The following NRXN1 variants were observed in gnomAD, a reference collection of about 807,000 sequenced individuals.
The protein encoded by NRXN1 is neurexin-1.
Under a neutral mutation model 150.9 loss-of-function variants are expected in NRXN1, and 39 were observed. The observed-to-expected ratio is 0.26, with a 90% CI of 0.20 to 0.34. NRXN1 has a LOEUF of 0.34. NRXN1 is among the 10% of genes least tolerant of loss of function. NRXN1 has a pLI of 1.00. For missense variants in NRXN1, 1,815 were observed against 1,949.9 expected, an observed-to-expected ratio of 0.93 and a Z score of 1.30; for synonymous variants, 924 against 757.0, an observed-to-expected ratio of 1.22 and a Z score of -3.62.
intron 21 of NRXN1, among the ~76,000 whole-genome samples, chr2:50,049,918 A>C (rs936959012): frequency 7.2e-5 from 11 of 152,118 alleles, no homozygotes; most frequent in Non-Finnish European, 2.9e-5. Context: ...AAGTTTCATA[A>C]AATCAGGAGG....
In NRXN1 at chr2:51,027,604, C is replaced by T. The variant is rs202242910; in HGVS notation, c.670G>A (p.Glu224Lys). The change falls in exon 2 of 23, where the codon GAG becomes AAG. Residue 224 changes from glutamate (E) to lysine (K), a missense_variant. By Grantham distance (56) the Glu-to-Lys change is moderately conservative (BLOSUM62 1). Coordinates refer to ENST00000401669, the MANE Select transcript of NRXN1 (RefSeq NM_001330078.2). ...CCTCCGTTGAGGCACACCCCGCCCT[C>T]GCCCTCCTCGCCCGCCTCGCACGGG... ...GSPCEAGEEG[E>K]GGVCLNGGVC... 8.8e-6 allele frequency: 14 copies of T among 1,592,368 alleles called. No homozygotes were observed. The highest frequency in any genetic ancestry group is 1.1e-5 in the Non-Finnish European group (13 of 1,169,796).
intron 8 of NRXN1, among the ~76,000 whole-genome samples, chr2:50,571,584 T>C (rs1670668371): frequency 1.3e-5 from 2 of 152,164 alleles, no homozygotes; most frequent in Non-Finnish European, 2.9e-5. Context: ...TCTGCTAAGA[T>C]ATTTTTAAAG....
At chr2:50,013,478 T>G (rs1223878407) in intron 21 of NRXN1, among the ~76,000 whole-genome samples, 1 of 152,084 alleles carries the variant, frequency 6.6e-6, no homozygotes, top group East Asian at 1.9e-4. Flanking sequence ...TAAGGATTAC[T>G]TTTGTCGTGG....
intron 15 of NRXN1, among the ~76,000 whole-genome samples, chr2:50,489,831 G>C (rs1411862949): frequency 6.6e-6 from 1 of 152,162 alleles, no homozygotes; most frequent in Non-Finnish European, 1.5e-5. Flanking sequence ...AAGAACCACA[G>C]GGAAGCAGAG....
At chr2:50,551,097 AGGAGGAGGGAGGGGGAGG>A (rs1558922629) in intron 9 of NRXN1, among the ~76,000 whole-genome samples, 4 of 109,492 alleles carry the variant, frequency 3.7e-5, no homozygotes, top group African/African-American at 1.4e-4. Context: ...GAGGAGGAGG[AGGAGGAGGGAGGGGGAGG>A]GGGAGGGGGA....
intron 17 of NRXN1, among the ~76,000 whole-genome samples, chr2:50,268,587 C>T (rs576226855): frequency 6.6e-6 from 1 of 152,266 alleles, no homozygotes; most frequent in African/African-American, 2.4e-5. Flanking sequence ...GTTCATTAGC[C>T]TGGGTTCCAA....
chr2:50,921,878 T>C lies in NRXN1; in HGVS notation c.823A>G (p.Lys275Glu), dbSNP rs1156515102. ...TAAAATAATGTAATACCTTTACTTT[T>C]ACCTATGGATTTGATGAAATGGGTC... ...LAHLMMGDQGKSKGKEEYIAT... is the reference protein window; with the variant it reads ...LAHLMMGDQGESKGKEEYIAT... Residue 275 changes from lysine to glutamate, a missense_variant and splice_region_variant, in exon 5 of 23, where the codon AAA (lysine) becomes GAA (glutamate). By Grantham distance (56) the Lys-to-Glu change is moderately conservative. This residue lies in a region of NRXN1 where 554 missense variants were observed against 478.8 expected (regional missense o/e 1.16). Transcript: ENST00000401669. 7.1e-7 allele frequency: 1 copy of C among 1,404,264 alleles called. No individual in the cohort carries two copies. Among genetic ancestry groups the C allele is most frequent in the East Asian group, 2.6e-5 (1 of 38,838 alleles). The allele number at this position is 1,404,264 out of a possible 1,614,324, so 87.0% of individuals were successfully genotyped here.
At chr2:50,883,012 C>CA (rs1679682091) in intron 5 of NRXN1, among the ~76,000 whole-genome samples, 1 of 151,736 alleles carries the variant, frequency 6.6e-6, no homozygotes, top group South Asian at 2.1e-4. Flanking sequence ...AATGTTAACA[C>CA]AAAATAAATG....
chr2:50,229,297 C>A (rs1332969972), intron 18 of NRXN1, among the ~76,000 whole-genome samples: 2 of 148,782 alleles, frequency 1.3e-5, no homozygotes, highest in Admixed American at 6.8e-5. Flanking sequence ...TACTGCCATG[C>A]ATTTTGCTTA....
At chr2:50,825,136 T>C (rs1379710897) in intron 5 of NRXN1, among the ~76,000 whole-genome samples, 1 of 152,210 alleles carries the variant, frequency 6.6e-6, no homozygotes, top group Non-Finnish European at 1.5e-5. Context: ...ACCCACATCC[T>C]TGGCACAGTT....
Position 50,346,562 on chromosome 2 carries a change from G to C in NRXN1, c.3365-109592C>G, listed in dbSNP as rs1575167123. The stretch of plus-strand genomic sequence containing the variant: ...CAAAGAGATAAGTGGCTCGCACCAA[G>C]CACACCCAAATGCACCTCCCTTTTG... On this transcript the variant is annotated intron_variant, in intron 17 of 22. Coordinates refer to ENST00000401669, the MANE Select transcript of NRXN1 (RefSeq NM_001330078.2). This position sits in a 1 kb window ranked among gnomAD's most constrained non-coding sequence, Gnocchi z 5.0. The C allele has an allele frequency of 3.1e-6, 3 of 972,160 alleles. No homozygotes were observed. Among genetic ancestry groups the C allele is most frequent in the Non-Finnish European group, 4.8e-6 (3 of 629,228 alleles). 60.2% of individuals were successfully genotyped at this position (972,160 alleles called of 1,614,324 possible).
At chr2:50,647,242 T>G (rs1054554792) in intron 5 of NRXN1, among the ~76,000 whole-genome samples, 1 of 151,874 alleles carries the variant, frequency 6.6e-6, no homozygotes, top group African/African-American at 2.4e-5. Flanking sequence ...ATATAAATTA[T>G]TTTATATCCA....
intron 5 of NRXN1, among the ~76,000 whole-genome samples, chr2:50,630,574 C>A (rs576345527): frequency 2.0e-4 from 31 of 151,852 alleles, no homozygotes; most frequent in Non-Finnish European, 3.8e-4. Flanking sequence ...AACGAAGTCC[C>A]ACTGTCCCCA....
chr2:50,190,057 G>A (rs2061351763), intron 18 of NRXN1, among the ~76,000 whole-genome samples: 1 of 152,014 alleles, frequency 6.6e-6, no homozygotes, highest in Admixed American at 6.6e-5. Flanking sequence ...ATAAACAATG[G>A]ACATTTTAAC....
intron 5 of NRXN1, among the ~76,000 whole-genome samples, chr2:50,821,278 G>T (rs536024309): frequency 2.0e-5 from 3 of 152,258 alleles, no homozygotes; most frequent in Admixed American, 6.5e-5. Flanking sequence ...AAACATTATA[G>T]ATTTTTTTGC....
intron 9 of NRXN1, among the ~76,000 whole-genome samples, chr2:50,541,888 TA>T (rs1216793939): frequency 6.6e-6 from 1 of 152,076 alleles, no homozygotes; most frequent in East Asian, 1.9e-4. Context: ...AAAAAATAAA[TA>T]AAAAACAAAA....
intron 18 of NRXN1, among the ~76,000 whole-genome samples, chr2:50,151,654 G>C (rs909861390): frequency 6.6e-6 from 1 of 151,798 alleles, no homozygotes; most frequent in Non-Finnish European, 1.5e-5. Flanking sequence ...AAGTAGATTA[G>C]TGGCTGCCTG....
intron 5 of NRXN1, among the ~76,000 whole-genome samples, chr2:50,891,058 T>C (rs1209739591): frequency 3.3e-5 from 5 of 151,996 alleles, no homozygotes; most frequent in Admixed American, 6.6e-5. Context: ...GATTTTTACT[T>C]CTGGCCAAAG....
At chr2:50,520,603 G>A (rs1254907934) in intron 12 of NRXN1, among the ~76,000 whole-genome samples, 1 of 151,842 alleles carries the variant, frequency 6.6e-6, no homozygotes, top group African/African-American at 2.4e-5. Flanking sequence ...AAAAAAAATA[G>A]GAGATGCTGA....
Sources: allele counts gnomAD v4.1 joint callset (sites outside exome capture counted in the v4.1 genomes callset), GRCh38; gene constraint gnomAD v4.1.1; regional missense constraint gnomAD v4.1.1; non-coding constraint Gnocchi (gnomAD v3.1); transcripts MANE v1.5; gene names NCBI Gene and HGNC (gene_info 2026-07-23, HGNC 2026-07-21).